Variants in GTF2IRD1 observed in about 807,000 individuals in gnomAD.
The protein encoded by GTF2IRD1 is GTF2I repeat domain containing 1.
A neutral mutation model predicts 113.2 loss-of-function variants in GTF2IRD1; 26 were observed. The observed-to-expected ratio is 0.23, with a 90% CI of 0.17 to 0.32. The LOEUF (loss-of-function observed/expected upper bound fraction) is 0.32. Among genes scored for constraint, GTF2IRD1 ranks in the 10% least tolerant of loss-of-function variants. The pLI is 1.00. For synonymous variants in GTF2IRD1, 484 were observed against 529.1 expected, an observed-to-expected ratio of 0.91 and a Z score of 1.17; for missense variants, 864 against 1,280.8, an observed-to-expected ratio of 0.67 and a Z score of 4.97.
chr7:74,519,542 A>G lies in GTF2IRD1; in HGVS notation c.739A>G (p.Thr247Ala). The G allele has an allele frequency of 6.2e-7, 1 of 1,612,008 alleles. No homozygotes were observed. Among genetic ancestry groups the G allele is most frequent in the Non-Finnish European group, 8.5e-7 (1 of 1,179,392 alleles). ...GGTGCCACCCCAGGACCTGCCCCCA[A>G]CCGCCACCTCCTCCTCCATGGCCAG... ...PKVPPQDLPP[T>A]ATSSSMASFL... Residue 247 changes from threonine to alanine, a missense_variant, in exon 6 of 27, where the codon ACC (threonine) becomes GCC (alanine). Transcript: ENST00000424337.
intron 4 of GTF2IRD1, among the ~76,000 whole-genome samples, chr7:74,516,113 G>A (rs1194045154): frequency 3.3e-5 from 5 of 152,194 alleles, no homozygotes; most frequent in African/African-American, 1.2e-4. Flanking sequence ...TCCAGCACTC[G>A]CTGGTGCATT....
intron 20 of GTF2IRD1, 59 bp from the exon 21 acceptor site, chr7:74,558,802 A>G: frequency 7.1e-7 from 1 of 1,402,382 alleles, no homozygotes. Context: ...AATCCCATGT[A>G]CACACACCCC....
At chr7:74,513,430 C>T (rs782502740) in intron 3 of GTF2IRD1, among the ~76,000 whole-genome samples, 2 of 152,128 alleles carry the variant, frequency 1.3e-5, no homozygotes, top group South Asian at 2.1e-4. Context: ...CTCAGCTTCC[C>T]GAGCAGCTGG....
At chr7:74,564,333 G>A (rs1299987847) in intron 22 of GTF2IRD1, among the ~76,000 whole-genome samples, 2 of 152,078 alleles carry the variant, frequency 1.3e-5, no homozygotes, top group Non-Finnish European at 2.9e-5. Flanking sequence ...GGCTGAGATT[G>A]TGCTTTTTTG....
chr7:74,471,672 T>TAAAAAAAA (rs66929736), intron 1 of GTF2IRD1, among the ~76,000 whole-genome samples: 2 of 104,696 alleles, frequency 1.9e-5, no homozygotes, highest in African/African-American at 3.8e-5. Context: ...TTGAAATATT[T>TAAAAAAAA]AAAAAAAAAA....
chr7:74,497,195 C>T (rs117536060), intron 1 of GTF2IRD1, among the ~76,000 whole-genome samples: 2,629 of 152,250 alleles, frequency 0.017, 28 homozygotes, highest in Non-Finnish European at 0.03. Context: ...AACAGAACTA[C>T]TATACAATTC....
intron 1 of GTF2IRD1, among the ~76,000 whole-genome samples, chr7:74,457,724 G>A (rs2116857769): frequency 6.6e-6 from 1 of 152,202 alleles, no homozygotes; most frequent in Admixed American, 6.6e-5. Flanking sequence ...TCACAGCCAG[G>A]TTCTTTGGGA....
rs957768787 is a variant in GTF2IRD1, at chr7:74,518,029, C to T, written c.422-110C>T. 6 of 687,734 alleles carry T rather than the reference C, an allele frequency of 8.7e-6. 1 individual carries two copies. Among genetic ancestry groups the T allele is most frequent in the South Asian group, 6.0e-5 (2 of 33,164 alleles). The allele number at this position is 687,734 out of a possible 1,614,324, so 42.6% of individuals were successfully genotyped here. Reference sequence around the variant, plus strand: ...AGTTATGAGGGGTCCATGGGAACCCCGCACCAAGGGGAGCCACTCAGCACT... The same window carrying T: ...AGTTATGAGGGGTCCATGGGAACCCTGCACCAAGGGGAGCCACTCAGCACT... On this transcript the variant is annotated intron_variant, in intron 4 of 26. Transcript: ENST00000424337.
At chr7:74,520,793 G>C (rs1488753826) in intron 6 of GTF2IRD1, among the ~76,000 whole-genome samples, 2 of 142,854 alleles carry the variant, frequency 1.4e-5, no homozygotes, top group African/African-American at 5.2e-5. Context: ...AAAAAAAAGC[G>C]TTTGGGTCTA....
chr7:74,511,963 G>A (rs1323777980), intron 2 of GTF2IRD1, among the ~76,000 whole-genome samples: 1 of 152,160 alleles, frequency 6.6e-6, no homozygotes, highest in Non-Finnish European at 1.5e-5. Flanking sequence ...CATATAGGGT[G>A]TCCCAGTTTA....
intron 8 of GTF2IRD1, among the ~76,000 whole-genome samples, chr7:74,526,523 A>T (rs1554347253): frequency 6.6e-6 from 1 of 152,196 alleles, no homozygotes; most frequent in Non-Finnish European, 1.5e-5. Flanking sequence ...TGGGGGAAAC[A>T]TTAGGCTTCA....
intron 22 of GTF2IRD1, among the ~76,000 whole-genome samples, chr7:74,589,176 T>C (rs1801903656): frequency 6.6e-6 from 1 of 151,842 alleles, no homozygotes; most frequent in African/African-American, 2.4e-5. Context: ...CTGGGAAACA[T>C]AGCGAGACTC....
intron 25 of GTF2IRD1, among the ~76,000 whole-genome samples, chr7:74,597,826 T>C (rs1554372829): frequency 3.9e-5 from 6 of 152,088 alleles, no homozygotes; most frequent in East Asian, 1.9e-4. Context: ...ATCTGAACCA[T>C]AGACCACCGT....
intron 1 of GTF2IRD1, among the ~76,000 whole-genome samples, chr7:74,503,102 G>A (rs1386578862): frequency 6.6e-6 from 1 of 151,380 alleles, no homozygotes; most frequent in Non-Finnish European, 1.5e-5. Flanking sequence ...GGGAGGTGGA[G>A]GTTGCAATGA....
Position 74,508,157 on chromosome 7 carries a change from G to A in GTF2IRD1, c.77G>A (p.Arg26His), listed in dbSNP as rs536231679. The change falls in exon 2 of 27, where the codon CGC (arginine) becomes CAC (histidine). Residue 26 changes from arginine to histidine, a missense_variant. Coordinates refer to ENST00000424337, the MANE Select transcript of GTF2IRD1 (RefSeq NM_005685.4). ...GPDRWNSAFTRKDEIITSLVS... is the reference protein window; with the variant it reads ...GPDRWNSAFTHKDEIITSLVS... ...GACCGCTGGAACTCCGCGTTCACCC[G>A]CAAAGACGAGATCATCACCAGCCTC... is the stretch of plus-strand genomic sequence containing the variant. The A allele has an allele frequency of 2.3e-5, 37 of 1,612,530 alleles. No individual in the cohort carries two copies. Among genetic ancestry groups the A allele is most frequent in the East Asian group, 4.5e-5 (2 of 44,876 alleles).
At chr7:74,507,895 C>G (rs1267627587) in intron 1 of GTF2IRD1, among the ~76,000 whole-genome samples, 180 bp from the exon 2 acceptor site, 1 of 152,128 alleles carries the variant, frequency 6.6e-6, no homozygotes, top group Non-Finnish European at 1.5e-5. Flanking sequence ...CCACCTGTGC[C>G]CAGGCCTGTG....
chr7:74,552,172 C>G (rs1799347899), intron 17 of GTF2IRD1, among the ~76,000 whole-genome samples: 1 of 152,044 alleles, frequency 6.6e-6, no homozygotes, highest in Non-Finnish European at 1.5e-5. Context: ...ATTGCTTGAG[C>G]TCAGGAGTTT....
chr7:74,523,399 T>TA (rs1797404223), intron 7 of GTF2IRD1, among the ~76,000 whole-genome samples: 1 of 151,592 alleles, frequency 6.6e-6, no homozygotes, highest in Non-Finnish European at 1.5e-5. Flanking sequence ...TCTATTTTTT[T>TA]AAAAAAATTT....
intron 3 of GTF2IRD1, among the ~76,000 whole-genome samples, 188 bp downstream of exon 3, chr7:74,513,159 G>A (rs1324807028): frequency 2.6e-5 from 4 of 152,216 alleles, no homozygotes; most frequent in African/African-American, 9.7e-5. Flanking sequence ...ATAGAGACTG[G>A]CTGGGTGAAC....
Sources: gnomAD v4.1 joint callset for allele counts (sites outside exome capture counted in the v4.1 genomes callset) on GRCh38, gnomAD v4.1.1 for gene constraint, MANE v1.5 for transcripts, NCBI Gene and HGNC (gene_info 2026-07-23, HGNC 2026-07-21) for gene names.